The following SPC25 variants were observed in gnomAD, a reference collection of about 807,000 sequenced individuals.
The protein encoded by SPC25 is SPC25 component of NDC80 kinetochore complex, also known as kinetochore protein Spc25.
In SPC25, 22 loss-of-function variants were observed where a neutral mutation model predicts 29.6. The ratio of observed to expected loss-of-function variants is 0.74; its 90% CI spans 0.53 to 1.06. SPC25 has a LOEUF of 1.06. Among genes scored for constraint, SPC25 ranks in the 50% least tolerant of loss-of-function variants. The probability of loss-of-function intolerance (pLI) is 0.00; values close to 1 mark genes in which losing one functional copy is unlikely to be tolerated. For synonymous variants in SPC25, 91 were observed against 90.4 expected (o/e 1.01, Z -0.04); for missense variants, 230 against 255.8 (o/e 0.90, Z 0.69).
At chr2:168,864,511 T>TCCTGA (rs1689729109) in intron 4 of SPC25, among the ~76,000 whole-genome samples, 1 of 151,518 alleles carries the variant, frequency 6.6e-6, no homozygotes, top group African/African-American at 2.4e-5. Flanking sequence ...GTCTCGAAAC[T>TCCTGA]CCTGACCTTG....
At chr2:168,863,050 C>T (rs1008700481) in intron 4 of SPC25, among the ~76,000 whole-genome samples, 2 of 152,120 alleles carry the variant, frequency 1.3e-5, no homozygotes. Context: ...TTCCCAGATG[C>T]CACCTAGAAC....
Position 168,889,414 on chromosome 2 carries a change from A to G in SPC25, c.106T>C (p.Tyr36His). Reference sequence around the variant, plus strand: ...GCAAATGCTTTGATGGAATCCTTGTAGGTATCTCTTAGTCCCGCCATCTGA... The same window carrying G: ...GCAAATGCTTTGATGGAATCCTTGTGGGTATCTCTTAGTCCCGCCATCTGA... ...SCQMAGLRDT[Y>H]KDSIKAFAEK... The change falls in exon 2 of 7, where the codon TAC becomes CAC. Residue 36 changes from tyrosine (Y) to histidine (H), a missense_variant. Transcript: ENST00000282074. 2 of 1,614,178 alleles carry G rather than the reference A, an allele frequency of 1.2e-6. No homozygotes were observed. Among genetic ancestry groups the G allele is most frequent in the Non-Finnish European group, 1.7e-6 (2 of 1,180,034 alleles).
At chr2:168,879,980 G>C (rs975009252) in intron 3 of SPC25, among the ~76,000 whole-genome samples, 5 of 152,146 alleles carry the variant, frequency 3.3e-5, no homozygotes, top group Non-Finnish European at 7.4e-5. Flanking sequence ...AGTAAACTAT[G>C]CTATACACAC....
downstream of SPC25, among the ~76,000 whole-genome samples, chr2:168,867,820 C>A (rs1218724123): frequency 3.3e-5 from 5 of 152,158 alleles, no homozygotes; most frequent in Admixed American, 2.6e-4. Context: ...ACAAGGATAT[C>A]CAGGAATTGA....
At chr2:168,863,282 T>TA (rs1307673537) in intron 4 of SPC25, 2 of 432,278 alleles carry the variant, frequency 4.6e-6, no homozygotes, top group Non-Finnish European at 3.1e-6. Context: ...AGGGAGAACT[T>TA]AGAGACCGAG....
At chr2:168,864,684 T>A (rs1689742745) in intron 4 of SPC25, 1 of 746,766 alleles carries the variant, frequency 1.3e-6, no homozygotes, top group East Asian at 2.6e-5. Context: ...TACACAGGTG[T>A]TCGATACATT....
intron 5 of SPC25, among the ~76,000 whole-genome samples, chr2:168,873,982 G>C (rs900742780): frequency 6.6e-6 from 1 of 152,058 alleles, no homozygotes; most frequent in African/African-American, 2.4e-5. Context: ...GAAAATATTT[G>C]CAATCATTTA....
Position 168,887,964 on chromosome 2 carries a change from C to T in SPC25, c.199+1262G>A, listed in dbSNP as rs543575958. 3.3e-5 allele frequency among the ~76,000 whole-genome samples: 5 copies of T among 152,280 alleles called. No homozygotes were observed. The East Asian group carries it at 7.7e-4, about 23-fold the overall frequency. On this transcript the variant is annotated intron_variant, in intron 3 of 6. Coordinates refer to ENST00000282074, the MANE Select transcript of SPC25 (RefSeq NM_020675.4). ...GGACAGAAGACATACAAGAGAATGCCATTTATATAACATTCAAAAACACAA... is the reference window on the plus strand; with the variant it reads ...GGACAGAAGACATACAAGAGAATGCTATTTATATAACATTCAAAAACACAA...
At chr2:168,880,328 T>C (rs1334388232) in intron 3 of SPC25, among the ~76,000 whole-genome samples, 1 of 152,252 alleles carries the variant, frequency 6.6e-6, no homozygotes, top group Non-Finnish European at 1.5e-5. Flanking sequence ...TTCTGCTTCA[T>C]CTTGCATTTT....
At chr2:168,876,253 T>C (rs1297741542) in intron 4 of SPC25, 77 bp from the exon 5 acceptor site, 1 of 1,037,080 alleles carries the variant, frequency 9.6e-7, no homozygotes, top group Non-Finnish European at 1.4e-6. Flanking sequence ...TTTTTTAAAC[T>C]TAAAATCAAC....
chr2:168,863,381 A>T (rs943812153), intron 4 of SPC25: 1 of 983,200 alleles, frequency 1.0e-6, no homozygotes, highest in Non-Finnish European at 1.2e-6. Flanking sequence ...TCTTAGAAAG[A>T]AAGTTGCTGA....
Position 168,889,256 on chromosome 2 carries a change from T to C in SPC25, c.169A>G (p.Met57Val). 2.5e-6 allele frequency: 4 copies of C among 1,613,862 alleles called. No homozygotes were observed. The highest frequency in any genetic ancestry group is 3.4e-6 in the Non-Finnish European group (4 of 1,179,972). ...TGATATTCCAGAAACATCTCAACCA[T>C]TCGTTCTTCTTCCTTTAATTTCACA... is the stretch of plus-strand genomic sequence containing the variant. Reference protein sequence around the residue: ...LSVKLKEEERMVEMFLEYQNQ... With the variant: ...LSVKLKEEERVVEMFLEYQNQ... Residue 57 changes from methionine to valine, a missense_variant, in exon 3 of 7, where the codon ATG (methionine) becomes GTG (valine). Coordinates refer to ENST00000282074, the MANE Select transcript of SPC25 (RefSeq NM_020675.4).
intron 4 of SPC25, among the ~76,000 whole-genome samples, chr2:168,864,236 C>T (rs1442483836): frequency 6.6e-6 from 1 of 151,944 alleles, no homozygotes; most frequent in Non-Finnish European, 1.5e-5. Flanking sequence ...CGCGGCCTCC[C>T]AACGTGCTGG....
downstream of SPC25, among the ~76,000 whole-genome samples, chr2:168,869,018 G>A (rs1278982336): frequency 6.6e-6 from 1 of 152,110 alleles, no homozygotes; most frequent in African/African-American, 2.4e-5. Context: ...ATGATCAAGT[G>A]GGTTTCATCC....
intron 3 of SPC25, among the ~76,000 whole-genome samples, chr2:168,886,740 T>C (rs180989363): frequency 0.022 from 3,305 of 151,332 alleles, 118 homozygotes; most frequent in African/African-American, 0.075. Flanking sequence ...AGGATGGTCT[T>C]GATCTCCTGA....
chr2:168,865,291 A>G (rs1689798510), intron 4 of SPC25: 2 of 224,448 alleles, frequency 8.9e-6, no homozygotes, highest in South Asian at 1.8e-4. Flanking sequence ...GCTTGCCTGA[A>G]GTCAGAGTTA....
At position 168,882,433 on chromosome 2, in the gene SPC25, C is replaced by T. The variant is rs188551248; in HGVS notation, c.200-5049G>A. ...CATCCTGGCCAACATGGTGAAACCT[C>T]GTCTCTGCTAAAAATACAAAAATGA... On this transcript the variant is annotated intron_variant, in intron 3 of 6. Coordinates refer to ENST00000282074, the MANE Select transcript of SPC25 (RefSeq NM_020675.4). Among the ~76,000 whole-genome samples, 927 of 152,222 alleles carry T rather than the reference C, an allele frequency of 6.1e-3. 18 individuals are homozygous for T. The highest frequency in any genetic ancestry group is 0.021 in the African/African-American group (870 of 41,538).
chr2:168,888,935 G>C (rs1690322289), intron 3 of SPC25, among the ~76,000 whole-genome samples: 1 of 63,358 alleles, frequency 1.6e-5, no homozygotes, highest in Non-Finnish European at 2.7e-5. Context: ...GTGTGTGTGT[G>C]TGTGTGTGTG....
chr2:168,886,005 A>G (rs1690254379), intron 3 of SPC25, among the ~76,000 whole-genome samples: 2 of 151,284 alleles, frequency 1.3e-5, no homozygotes, highest in South Asian at 4.2e-4. Flanking sequence ...TCCAGATTCT[A>G]TCCTCACACA....
Sources: gnomAD v4.1 joint callset for allele counts (sites outside exome capture counted in the v4.1 genomes callset) on GRCh38, gnomAD v4.1.1 for gene constraint, MANE v1.5 for transcripts, NCBI Gene and HGNC (gene_info 2026-07-23, HGNC 2026-07-21) for gene names.